The following WDR4 variants were observed in gnomAD, a reference collection of about 807,000 sequenced individuals.
WDR4 encodes WDR4 tRNA N7-guanosine methyltransferase non-catalytic subunit, also known as tRNA (guanine-N(7)-)-methyltransferase non-catalytic subunit WDR4.
Under a neutral mutation model 48.6 loss-of-function variants are expected in WDR4, and 47 were observed. The ratio of observed to expected loss-of-function variants is 0.97; its 90% CI spans 0.77 to 1.23. WDR4 has a LOEUF of 1.23. WDR4 is among the 50% of genes most tolerant of loss of function. WDR4 has a pLI of 0.00. For missense variants in WDR4, 606 were observed against 551.6 expected, an observed-to-expected ratio of 1.10 and a Z score of -0.99; for synonymous variants, 268 against 230.0, an observed-to-expected ratio of 1.17 and a Z score of -1.49.
the WDR4 span, among the ~76,000 whole-genome samples, chr21:42,892,333 T>C: frequency 6.6e-6 from 1 of 152,120 alleles, no homozygotes; most frequent in Admixed American, 6.6e-5. Flanking sequence ...GGATCCCTTC[T>C]CATGATTATC....
At chr21:42,874,560 T>C (rs1057150333) in intron 2 of WDR4, among the ~76,000 whole-genome samples, 4 of 152,148 alleles carry the variant, frequency 2.6e-5, no homozygotes, top group Non-Finnish European at 4.4e-5. Context: ...CTGAATTCTT[T>C]TTCTCAGCAA....
chr21:42,859,273 GAAAGA>G (rs1295198818), intron 6 of WDR4, among the ~76,000 whole-genome samples: 3 of 151,972 alleles, frequency 2.0e-5, no homozygotes, highest in Non-Finnish European at 2.9e-5. Context: ...AGAAAAAAAG[GAAAGA>G]AAAGGAAAAA....
In WDR4 at chr21:42,861,870, G is replaced by A. The variant is rs141841072; in HGVS notation, c.566+412C>T. Among the ~76,000 whole-genome samples the A allele has an allele frequency of 4.9e-3, 740 of 152,298 alleles. 6 individuals carry two copies. The highest frequency in any genetic ancestry group is 0.017 in the African/African-American group (714 of 41,560). ...GGGTCCTGGCAGAGTGTGCTGCCAC[G>A]AGAGACGCCGCCACCTGGCTGCAGA... On this transcript the variant is annotated intron_variant, in intron 5 of 10. Coordinates refer to ENST00000398208, the MANE Select transcript of WDR4 (RefSeq NM_018669.6).
chr21:42,878,579 G>A (rs1020728900), intron 1 of WDR4, among the ~76,000 whole-genome samples: 2 of 152,142 alleles, frequency 1.3e-5, no homozygotes, highest in African/African-American at 4.8e-5. Flanking sequence ...CAGACACGTC[G>A]TCCGTTTCAA....
chr21:42,852,169 C>G, intron 10 of WDR4, 86 bp downstream of exon 10: 1 of 1,393,534 alleles, frequency 7.2e-7, no homozygotes, highest in Admixed American at 1.8e-5. Context: ...CCAGGTACCC[C>G]GGGCAGGTCA....
At chr21:42,858,391 A>G (rs942194702) in intron 6 of WDR4, among the ~76,000 whole-genome samples, 1 of 152,050 alleles carries the variant, frequency 6.6e-6, no homozygotes, top group African/African-American at 2.4e-5. Flanking sequence ...GCGCGGGAAA[A>G]CCCACAGGAG....
chr21:42,874,677 A>C (rs2058449539), intron 2 of WDR4, among the ~76,000 whole-genome samples: 1 of 152,180 alleles, frequency 6.6e-6, no homozygotes, highest in Admixed American at 6.5e-5. Flanking sequence ...AATAAGCCCC[A>C]GTCTCCCATA....
chr21:42,860,523 C>G (rs1479137350), intron 5 of WDR4, among the ~76,000 whole-genome samples: 2 of 152,230 alleles, frequency 1.3e-5, no homozygotes, highest in Non-Finnish European at 2.9e-5. Context: ...TGGGGTGGCC[C>G]GTGAGCCTCA....
At chr21:42,884,891 T>A in the WDR4 span, among the ~76,000 whole-genome samples, 107 of 152,086 alleles carry the variant, frequency 7.0e-4, no homozygotes, top group African/African-American at 2.5e-3. Flanking sequence ...TTCTCCTGCC[T>A]CAGCCTCCCA....
chr21:42,864,446 T>C (rs2058202036), intron 3 of WDR4, among the ~76,000 whole-genome samples: 1 of 152,144 alleles, frequency 6.6e-6, no homozygotes, highest in Non-Finnish European at 1.5e-5. Flanking sequence ...CAGAGAGCCG[T>C]GCCCCATGCC....
chr21:42,850,252 G>A lies in WDR4; in HGVS notation c.1046-10C>T. On this transcript the variant is annotated splice_polypyrimidine_tract_variant and intron_variant, in intron 10 of 10. Transcript: ENST00000398208. ...TCTGCGCCGGCAGAGCCTGTGATGG[G>A]GGAACAAGGACAGGTGCCAGGTGGG... 2 of 1,583,830 alleles carry A rather than the reference G, an allele frequency of 1.3e-6. No homozygotes were observed. Among genetic ancestry groups the A allele is most frequent in the East Asian group, 2.3e-5 (1 of 44,018 alleles).
At chr21:42,876,531 G>T (rs1471657546) in intron 2 of WDR4, among the ~76,000 whole-genome samples, 171 bp downstream of exon 2, 1 of 152,072 alleles carries the variant, frequency 6.6e-6, no homozygotes, top group Non-Finnish European at 1.5e-5. Flanking sequence ...TACTCTTAAT[G>T]CCTAACCTAA....
In WDR4 at chr21:42,873,702, G is replaced by A. The variant is rs377417063; in HGVS notation, c.156-11C>T. ...AAGGGCGCGTCCTCCCTGAGGAAGA[G>A]AGGAGGAAGACGGTTAAGCTTCACC... On this transcript the variant is annotated splice_polypyrimidine_tract_variant and intron_variant, in intron 2 of 10. Transcript: ENST00000398208. 75 of 1,612,054 alleles carry A rather than the reference G, an allele frequency of 4.7e-5. No homozygotes were observed. The highest frequency in any genetic ancestry group is 3.3e-4 in the Middle Eastern group (2 of 6,066).
intron 7 of WDR4, among the ~76,000 whole-genome samples, chr21:42,854,940 A>G (rs1246128685): frequency 6.6e-6 from 1 of 152,094 alleles, no homozygotes; most frequent in African/African-American, 2.4e-5. Flanking sequence ...AAGAGATGAG[A>G]GCTACACATA....
chr21:42,879,540 C>A, upstream of WDR4: 1 of 1,605,344 alleles, frequency 6.2e-7, no homozygotes, highest in Non-Finnish European at 8.5e-7. Flanking sequence ...AGCCCAGAGC[C>A]TCTTCCTGTC....
the WDR4 span, among the ~76,000 whole-genome samples, chr21:42,885,121 A>G: frequency 6.6e-6 from 1 of 152,050 alleles, no homozygotes; most frequent in Non-Finnish European, 1.5e-5. Context: ...TTGAACTGTT[A>G]TATTCTACTG....
At chr21:42,843,535 C>T (rs936986360) in intron 11 of WDR4, among the ~76,000 whole-genome samples, 3 of 151,176 alleles carry the variant, frequency 2.0e-5, no homozygotes, top group African/African-American at 4.9e-5. Context: ...CTCAGCCTCC[C>T]GAGCAGCTGG....
intron 6 of WDR4, among the ~76,000 whole-genome samples, chr21:42,858,817 C>A (rs1333267906): frequency 2.0e-5 from 3 of 152,134 alleles, no homozygotes; most frequent in Non-Finnish European, 2.9e-5. Context: ...GTGAATGAAG[C>A]CCAATCAGAG....
intron 3 of WDR4, among the ~76,000 whole-genome samples, chr21:42,873,207 A>C (rs985516546): frequency 4.6e-5 from 7 of 152,176 alleles, no homozygotes; most frequent in African/African-American, 1.7e-4. Context: ...GCTAATCACA[A>C]GGACAGAGGA....
Sources: allele counts gnomAD v4.1 joint callset (sites outside exome capture counted in the v4.1 genomes callset), GRCh38; gene constraint gnomAD v4.1.1; transcripts MANE v1.5; gene names NCBI Gene and HGNC (gene_info 2026-07-23, HGNC 2026-07-21).